C12orf42: variants seen among roughly 807,000 people sequenced by gnomAD.
C12orf42 encodes uncharacterized protein C12orf42.
A neutral mutation model predicts 21.6 loss-of-function variants in C12orf42; 25 were observed. That is an observed-to-expected ratio of 1.16 (90% CI 0.84 to 1.62). The LOEUF (loss-of-function observed/expected upper bound fraction) is 1.62, where lower values mean the gene tolerates loss of function less well. C12orf42 is among the 40% of genes most tolerant of loss of function. C12orf42 has a pLI of 0.00. For missense variants in C12orf42, 483 were observed against 459.3 expected (o/e 1.05, Z -0.47); for synonymous variants, 174 against 175.0 (o/e 0.99, Z 0.05).
the C12orf42 span, among the ~76,000 whole-genome samples, chr12:103,145,167 C>CT: frequency 6.6e-6 from 1 of 152,172 alleles, no homozygotes; most frequent in Non-Finnish European, 1.5e-5. Flanking sequence ...TTATACTGTA[C>CT]TTTTTAAAGC....
At chr12:103,547,330 A>G in the C12orf42 span, among the ~76,000 whole-genome samples, 10 of 152,220 alleles carry the variant, frequency 6.6e-5, no homozygotes. Context: ...CAGCTCAGAT[A>G]CAGAACATTT....
the C12orf42 span, among the ~76,000 whole-genome samples, chr12:103,135,356 G>A: frequency 6.6e-6 from 1 of 152,004 alleles, no homozygotes; most frequent in Non-Finnish European, 1.5e-5. Context: ...TACTCAGGAG[G>A]CTGAAGTGGG....
At chr12:103,349,392 A>C (rs1237997464) in intron 4 of C12orf42, 1 of 152,192 alleles carries the variant, frequency 6.6e-6, no homozygotes, top group African/African-American at 2.4e-5. Flanking sequence ...GAACCTAGGA[A>C]ATTTCGGAGT....
At chr12:103,552,620 G>T in the C12orf42 span, among the ~76,000 whole-genome samples, 4 of 152,004 alleles carry the variant, frequency 2.6e-5, no homozygotes, top group South Asian at 2.1e-4. Context: ...AGAAATACTG[G>T]GTATTTGGTA....
chr12:103,534,441 G>A, the C12orf42 span, among the ~76,000 whole-genome samples: 1 of 152,016 alleles, frequency 6.6e-6, no homozygotes, highest in Non-Finnish European at 1.5e-5. Flanking sequence ...CTACTTTCTG[G>A]GTATGAGTCT....
At chr12:103,433,822 T>C (rs981637896) in intron 2 of C12orf42, among the ~76,000 whole-genome samples, 2 of 152,220 alleles carry the variant, frequency 1.3e-5, no homozygotes, top group African/African-American at 4.8e-5. Context: ...AACTAAATTG[T>C]ATTGATGAAT....
the C12orf42 span, among the ~76,000 whole-genome samples, chr12:103,549,838 G>A: frequency 6.8e-3 from 1,037 of 152,188 alleles, 8 homozygotes; most frequent in Middle Eastern, 0.014. Flanking sequence ...GCCGCTGTTC[G>A]TTCAGATGGC....
chr12:103,454,956 T>C (rs756089629), intron 2 of C12orf42, among the ~76,000 whole-genome samples: 5 of 152,150 alleles, frequency 3.3e-5, no homozygotes, highest in Non-Finnish European at 5.9e-5. Context: ...CACTTTCTAT[T>C]CCCTAAATGA....
At chr12:103,330,591 G>GAAAGGACAAAGGCC (rs2041161335) in intron 4 of C12orf42, among the ~76,000 whole-genome samples, 1 of 152,194 alleles carries the variant, frequency 6.6e-6, no homozygotes, top group Non-Finnish European at 1.5e-5. Flanking sequence ...GACTCTATGT[G>GAAAGGACAAAGGCC]AAAGGACAAA....
chr12:103,121,431 G>C, the C12orf42 span, among the ~76,000 whole-genome samples: 7 of 152,196 alleles, frequency 4.6e-5, no homozygotes, highest in Non-Finnish European at 1.0e-4. Context: ...GTATGCAAAG[G>C]AAGGTTGTTT....
chr12:103,444,765 C>T (rs554733336), intron 2 of C12orf42, among the ~76,000 whole-genome samples: 1 of 151,966 alleles, frequency 6.6e-6, no homozygotes, highest in Non-Finnish European at 1.5e-5. Flanking sequence ...ATGTATACAT[C>T]AAAGTTATGT....
intron 1 of C12orf42, among the ~76,000 whole-genome samples, chr12:103,480,240 A>G (rs1954369848): frequency 6.6e-6 from 1 of 151,818 alleles, no homozygotes; most frequent in Non-Finnish European, 1.5e-5. Flanking sequence ...TATGTAATAC[A>G]CACATATTTT....
intron 4 of C12orf42, among the ~76,000 whole-genome samples, chr12:103,294,505 G>GAAAA (rs1223540908): frequency 8.3e-6 from 1 of 120,812 alleles, no homozygotes; most frequent in African/African-American, 3.2e-5. Context: ...AAGAAAGAAA[G>GAAAA]AAAAAGAAAG....
In C12orf42 at chr12:103,302,495, C is replaced by T; in HGVS notation, c.696G>A (p.Leu232=). The T allele has an allele frequency of 1.2e-6, 2 of 1,613,492 alleles. No homozygotes were observed. Among genetic ancestry groups the T allele is most frequent in the East Asian group, 2.2e-5 (1 of 44,848 alleles). Residue 232 remains leucine (L), a synonymous_variant, in exon 6 of 6, where the codon CTG becomes CTA. Transcript: ENST00000548883. The part of the protein sequence containing the change: ...LCRRSQTPGA[L]QSTGPSNTEL... ...CTGTGTTACTCGGGCCGGTGCTCTG[C>T]AGAGCGCCGGGCGTCTGGCTCCTCC...
At chr12:103,550,890 G>T in the C12orf42 span, among the ~76,000 whole-genome samples, 8 of 152,010 alleles carry the variant, frequency 5.3e-5, no homozygotes, top group African/African-American at 1.9e-4. Flanking sequence ...TATATCTGTT[G>T]CAAGCAATGC....
At chr12:103,541,749 C>A in the C12orf42 span, among the ~76,000 whole-genome samples, 2 of 151,958 alleles carry the variant, frequency 1.3e-5, no homozygotes, top group South Asian at 2.1e-4. Context: ...TATTTTATCT[C>A]GTGCTTGATT....
chr12:103,486,998 G>A (rs531647841), intron 1 of C12orf42, among the ~76,000 whole-genome samples: 16 of 152,086 alleles, frequency 1.1e-4, no homozygotes, highest in Non-Finnish European at 2.2e-4. Flanking sequence ...CCTTCTGCTA[G>A]CTTTTAATTT....
intron 1 of C12orf42, among the ~76,000 whole-genome samples, chr12:103,489,969 C>A (rs1484086647): frequency 1.3e-5 from 2 of 152,230 alleles, no homozygotes; most frequent in African/African-American, 4.8e-5. Flanking sequence ...ACTGTCCAAC[C>A]AGTCCCAGTG....
chr12:103,241,589 T>C (rs1339789716), intron 10 of C12orf42, among the ~76,000 whole-genome samples: 1 of 152,222 alleles, frequency 6.6e-6, no homozygotes, highest in Non-Finnish European at 1.5e-5. Flanking sequence ...CATTGGCTGG[T>C]CATTTTCTTC....
Sources: gnomAD v4.1 joint callset for allele counts (sites outside exome capture counted in the v4.1 genomes callset) on GRCh38, gnomAD v4.1.1 for gene constraint, MANE v1.5 for transcripts, NCBI Gene and HGNC (gene_info 2026-07-23, HGNC 2026-07-21) for gene names.